EDIL3: variants seen among roughly 807,000 people sequenced by gnomAD.
EDIL3 encodes EGF like and discoidin domains 3, also known as EGF-like repeat and discoidin I-like domain-containing protein 3.
EDIL3 carries 37 observed loss-of-function variants against 67.4 expected under a neutral mutation model. The ratio of observed to expected loss-of-function variants is 0.55; its 90% CI spans 0.42 to 0.72. The LOEUF is 0.72. Ranked by LOEUF, EDIL3 falls within the 30% of genes least tolerant of loss-of-function variation. EDIL3 has a pLI of 0.00. For missense variants in EDIL3, 527 were observed against 586.3 expected, an observed-to-expected ratio of 0.90 and a Z score of 1.04; for synonymous variants, 195 against 196.3, an observed-to-expected ratio of 0.99 and a Z score of 0.05.
intron 9 of EDIL3, among the ~76,000 whole-genome samples, chr5:84,002,759 G>A (rs1745353168): frequency 6.6e-6 from 1 of 152,242 alleles, no homozygotes; most frequent in Admixed American, 6.5e-5. Context: ...TGCAACTGCA[G>A]AGGTACTTGC....
intron 1 of EDIL3, among the ~76,000 whole-genome samples, chr5:84,367,947 A>T (rs967228420): frequency 2.6e-5 from 4 of 152,204 alleles, no homozygotes; most frequent in Admixed American, 1.3e-4. Context: ...GTTTAATAAA[A>T]TGTTGTTGAA....
chr5:84,075,933 T>C (rs1329197115), intron 6 of EDIL3, among the ~76,000 whole-genome samples: 1 of 138,824 alleles, frequency 7.2e-6, no homozygotes, highest in Non-Finnish European at 1.5e-5. Context: ...CACACTCACG[T>C]GCCATTGTGG....
intron 4 of EDIL3, among the ~76,000 whole-genome samples, chr5:84,168,562 T>C (rs1221725474): frequency 6.6e-6 from 1 of 152,170 alleles, no homozygotes; most frequent in East Asian, 1.9e-4. Context: ...AAGAACAGTA[T>C]ATTACGCTGC....
intron 1 of EDIL3, among the ~76,000 whole-genome samples, chr5:84,267,764 T>C (rs955279191): frequency 2.6e-5 from 4 of 152,126 alleles, no homozygotes; most frequent in African/African-American, 7.2e-5. Context: ...AACAATCACA[T>C]GAAAATGATA....
At chr5:84,012,175 T>G (rs1364871081) in intron 9 of EDIL3, among the ~76,000 whole-genome samples, 1 of 152,174 alleles carries the variant, frequency 6.6e-6, no homozygotes, top group Non-Finnish European at 1.5e-5. Flanking sequence ...TGATAGATGG[T>G]GAAAAGAAGA....
At chr5:84,174,536 G>A (rs1476920254) in intron 4 of EDIL3, among the ~76,000 whole-genome samples, 1 of 152,178 alleles carries the variant, frequency 6.6e-6, no homozygotes, top group Non-Finnish European at 1.5e-5. Context: ...CCTGGAGGCT[G>A]CAGCCCCCAC....
At chr5:84,046,231 C>T (rs1194379833) in intron 9 of EDIL3, among the ~76,000 whole-genome samples, 1 of 152,090 alleles carries the variant, frequency 6.6e-6, no homozygotes, top group African/African-American at 2.4e-5. Context: ...AATGTGGCAC[C>T]ACAAATTTAG....
intron 9 of EDIL3, among the ~76,000 whole-genome samples, chr5:83,992,920 A>G (rs2112161088): frequency 6.6e-6 from 1 of 151,936 alleles, no homozygotes; most frequent in East Asian, 1.9e-4. Flanking sequence ...TATCTTCTGG[A>G]TAAGTAATAT....
intron 9 of EDIL3, among the ~76,000 whole-genome samples, chr5:84,024,178 C>G (rs1014305540): frequency 6.6e-6 from 1 of 152,048 alleles, no homozygotes; most frequent in African/African-American, 2.4e-5. Context: ...ACTAAGCAGA[C>G]CATTCATAGA....
chr5:84,313,412 G>A (rs552608885), intron 1 of EDIL3, among the ~76,000 whole-genome samples: 1 of 152,262 alleles, frequency 6.6e-6, no homozygotes, highest in South Asian at 2.1e-4. Context: ...GAGAATCTGG[G>A]TCACAGAACA....
At chr5:83,996,696 G>A (rs1745243967) in intron 9 of EDIL3, among the ~76,000 whole-genome samples, 1 of 152,112 alleles carries the variant, frequency 6.6e-6, no homozygotes, top group Admixed American at 6.6e-5. Context: ...CTATGATGTG[G>A]GGGAATATTC....
At chr5:84,265,922 G>T (rs1412678736) in intron 1 of EDIL3, among the ~76,000 whole-genome samples, 1 of 152,152 alleles carries the variant, frequency 6.6e-6, no homozygotes, top group Non-Finnish European at 1.5e-5. Flanking sequence ...ACAGGTGTCA[G>T]GTTATTGCTG....
At chr5:84,025,020 C>T (rs115134181) in intron 9 of EDIL3, among the ~76,000 whole-genome samples, 1 of 151,982 alleles carries the variant, frequency 6.6e-6, no homozygotes, top group Non-Finnish European at 1.5e-5. Context: ...AGCAAGGAAA[C>T]CTTTCCCAGA....
intron 4 of EDIL3, among the ~76,000 whole-genome samples, chr5:84,146,515 T>C (rs1316000269): frequency 1.3e-5 from 2 of 152,150 alleles, no homozygotes; most frequent in Non-Finnish European, 2.9e-5. Context: ...GATAATAACC[T>C]AATATTGGCA....
At chr5:84,131,616 A>G (rs1747968063) in intron 5 of EDIL3, among the ~76,000 whole-genome samples, 1 of 152,214 alleles carries the variant, frequency 6.6e-6, no homozygotes, top group African/African-American at 2.4e-5. Flanking sequence ...GCTCTATAAA[A>G]TGGAATCAGT....
Position 84,381,672 on chromosome 5 carries a change from C to T in EDIL3, c.67+2636G>A, listed in dbSNP as rs181571077. Reference sequence around the variant, plus strand: ...CATGTCTAGACATTTTTAGACAGTGCCATTTGCTTAAAGACTTCAGGCACA... The same window carrying T: ...CATGTCTAGACATTTTTAGACAGTGTCATTTGCTTAAAGACTTCAGGCACA... On this transcript the variant is annotated intron_variant, in intron 1 of 10. Coordinates refer to ENST00000296591, the MANE Select transcript of EDIL3 (RefSeq NM_005711.5). Among the ~76,000 whole-genome samples the T allele has an allele frequency of 4.8e-3, 735 of 152,168 alleles. 3 individuals are homozygous for T. The highest frequency in any genetic ancestry group is 0.015 in the South Asian group (70 of 4,810).
chr5:84,088,317 C>T (rs1256133449), intron 6 of EDIL3, among the ~76,000 whole-genome samples: 1 of 152,112 alleles, frequency 6.6e-6, no homozygotes, highest in African/African-American at 2.4e-5. Context: ...CAGGCTAATG[C>T]ATGCTCTTAA....
At chr5:84,080,897 T>A (rs1746954202) in intron 6 of EDIL3, among the ~76,000 whole-genome samples, 1 of 152,228 alleles carries the variant, frequency 6.6e-6, no homozygotes, top group South Asian at 2.1e-4. Context: ...ATGCTCCAGA[T>A]AAAAGGACCT....
chr5:84,068,597 A>G (rs564627329), intron 6 of EDIL3, among the ~76,000 whole-genome samples: 1 of 152,304 alleles, frequency 6.6e-6, no homozygotes, highest in Admixed American at 6.5e-5. Context: ...AGGAAGATGG[A>G]ACTGCAGTTA....
Sources: allele counts gnomAD v4.1 joint callset (sites outside exome capture counted in the v4.1 genomes callset), GRCh38; gene constraint gnomAD v4.1.1; transcripts MANE v1.5; gene names NCBI Gene and HGNC (gene_info 2026-07-23, HGNC 2026-07-21).